The following UHMK1 variants were observed in gnomAD, a reference collection of about 807,000 sequenced individuals.
UHMK1 encodes the protein serine/threonine-protein kinase Kist.
In UHMK1, 18 loss-of-function variants were observed where a neutral mutation model predicts 44.0. That is an observed-to-expected ratio of 0.41 (90% CI 0.28 to 0.61). UHMK1 has a LOEUF of 0.61. Among genes scored for constraint, UHMK1 ranks in the 20% least tolerant of loss-of-function variants. The pLI is 0.31. For missense variants in UHMK1, 463 were observed against 522.5 expected (o/e 0.89, Z 1.11); for synonymous variants, 231 against 198.5 (o/e 1.16, Z -1.38).
At position 162,497,836 on chromosome 1, in the gene UHMK1, G is replaced by A. The variant is rs1557937611; in HGVS notation, c.-165G>A. ...GGCTTCTGGGACTCGGGTGCACCAC[G>A]GCTTCCGGTGTCATGGCTGCTTGAA... is the stretch of plus-strand genomic sequence containing the variant. On this transcript the variant is annotated 5_prime_UTR_variant, in exon 1 of 8. Transcript: ENST00000489294. 1 of 1,339,996 alleles carries A rather than the reference G, an allele frequency of 7.5e-7. No homozygotes were observed. Among genetic ancestry groups the A allele is most frequent in the Non-Finnish European group, 9.5e-7 (1 of 1,049,586 alleles). 83.0% of individuals were successfully genotyped at this position (1,339,996 alleles called of 1,614,324 possible). A position where few individuals can be genotyped will look rare whatever the true frequency, so the allele number is the denominator to read the frequency against.
At chr1:162,520,294 A>C (rs191951077) in intron 7 of UHMK1, among the ~76,000 whole-genome samples, 2 of 152,378 alleles carry the variant, frequency 1.3e-5, no homozygotes, top group Admixed American at 1.3e-4. Context: ...CCTAATGAAA[A>C]GTTATTGCCA....
In UHMK1 at chr1:162,526,250, A is replaced by T. The variant is rs552316751; in HGVS notation, c.*3700A>T. On this transcript the variant is annotated 3_prime_UTR_variant, in exon 8 of 8. Coordinates refer to ENST00000489294, the MANE Select transcript of UHMK1 (RefSeq NM_175866.5). Reference sequence around the variant, plus strand: ...TAGGCCTATCTTACACATAAGTTCTACTATCAGTATACTTGGCAGCATGAC... The same window carrying T: ...TAGGCCTATCTTACACATAAGTTCTTCTATCAGTATACTTGGCAGCATGAC... 1 of 148,630 alleles carries T rather than the reference A, an allele frequency of 6.7e-6. No individual in the cohort carries two copies. The highest frequency in any genetic ancestry group is 1.5e-5 in the Non-Finnish European group (1 of 67,440). 9.2% of individuals were successfully genotyped at this position (148,630 alleles called of 1,614,324 possible).
chr1:162,510,776 G>T (rs1486705775), intron 4 of UHMK1, among the ~76,000 whole-genome samples: 1 of 151,870 alleles, frequency 6.6e-6, no homozygotes, highest in Non-Finnish European at 1.5e-5. Context: ...ACAAACGTGG[G>T]CCTACAGGTA....
chr1:162,500,784 G>T, intron 2 of UHMK1, 129 bp from the exon 3 acceptor site: 1 of 830,470 alleles, frequency 1.2e-6, no homozygotes, highest in Non-Finnish European at 1.8e-6. Context: ...GGTAATCAAG[G>T]ACTAAAAATT....
Position 162,522,780 on chromosome 1 carries a change from C to T in UHMK1, c.*230C>T. On this transcript the variant is annotated 3_prime_UTR_variant, in exon 8 of 8. Coordinates refer to ENST00000489294, the MANE Select transcript of UHMK1 (RefSeq NM_175866.5). ...AGGGGTTTTAGAGCATCCATGTGGG[C>T]AACCCTTTTTTGTGCGGGAGAGCAG... is the stretch of plus-strand genomic sequence containing the variant. 2.5e-6 allele frequency: 1 copy of T among 393,584 alleles called. No homozygotes were observed. Among genetic ancestry groups the T allele is most frequent in the Non-Finnish European group, 4.5e-6 (1 of 222,832 alleles). The allele number at this position is 393,584 out of a possible 1,614,324, so 24.4% of individuals were successfully genotyped here. A position where few individuals can be genotyped will look rare whatever the true frequency, so the allele number is the denominator to read the frequency against.
intron 4 of UHMK1, among the ~76,000 whole-genome samples, chr1:162,510,877 C>T (rs566489506): frequency 1.3e-5 from 2 of 151,886 alleles, no homozygotes; most frequent in South Asian, 4.2e-4. Flanking sequence ...TTTTAAGGGG[C>T]CTCCATACTA....
In UHMK1 at chr1:162,528,761, T is replaced by A. The variant is rs1157398844; in HGVS notation, c.*6211T>A. Reference sequence around the variant, plus strand: ...TCCAGCAGAATTTACTCTTCCATTCTTAATTCTTTTTTGAAATATCTTAAA... The same window carrying A: ...TCCAGCAGAATTTACTCTTCCATTCATAATTCTTTTTTGAAATATCTTAAA... On this transcript the variant is annotated 3_prime_UTR_variant, in exon 8 of 8. Transcript: ENST00000489294. 1 of 152,166 alleles carries A rather than the reference T, an allele frequency of 6.6e-6. No individual in the cohort carries two copies. Among genetic ancestry groups the A allele is most frequent in the African/African-American group, 2.4e-5 (1 of 41,472 alleles). 9.4% of individuals were successfully genotyped at this position (152,166 alleles called of 1,614,324 possible). A position where few individuals can be genotyped will look rare whatever the true frequency, so the allele number is the denominator to read the frequency against.
chr1:162,509,067 G>A (rs1651577506), intron 4 of UHMK1, among the ~76,000 whole-genome samples: 2 of 152,138 alleles, frequency 1.3e-5, no homozygotes, highest in African/African-American at 4.8e-5. Context: ...TTACAGGCGT[G>A]AGCCACCACG....
rs1652168352 is a variant in UHMK1 at position 162,524,432 on chromosome 1, A to C, written c.*1882A>C. On this transcript the variant is annotated 3_prime_UTR_variant, in exon 8 of 8. Coordinates refer to ENST00000489294, the MANE Select transcript of UHMK1 (RefSeq NM_175866.5). Reference sequence around the variant, plus strand: ...TTTATTTTGGCCCTTTCAGGAGTTGATTATAAATTGGTTTGTTTTCAAGTC... The same window carrying C: ...TTTATTTTGGCCCTTTCAGGAGTTGCTTATAAATTGGTTTGTTTTCAAGTC... 1 of 152,180 alleles carries C rather than the reference A, an allele frequency of 6.6e-6. No homozygotes were observed. The highest frequency in any genetic ancestry group is 2.4e-5 in the African/African-American group (1 of 41,438). 9.4% of individuals were successfully genotyped at this position (152,180 alleles called of 1,614,324 possible).
rs1194599514 is a variant in UHMK1 at position 162,527,820 on chromosome 1, C to G, written c.*5270C>G. 1 of 151,672 alleles carries G rather than the reference C, an allele frequency of 6.6e-6. No individual in the cohort carries two copies. The highest frequency in any genetic ancestry group is 1.5e-5 in the Non-Finnish European group (1 of 67,884). The allele number at this position is 151,672 out of a possible 1,614,324, so 9.4% of individuals were successfully genotyped here. ...AAAGAGAAGCATTCTACTTATTTGT[C>G]TTATAAACCATTAATCGTTTTTTGT... On this transcript the variant is annotated 3_prime_UTR_variant, in exon 8 of 8. Coordinates refer to ENST00000489294, the MANE Select transcript of UHMK1 (RefSeq NM_175866.5).
chr1:162,509,079 ACAGT>A (rs1265119748), intron 4 of UHMK1, among the ~76,000 whole-genome samples: 8 of 152,226 alleles, frequency 5.3e-5, no homozygotes, highest in African/African-American at 1.9e-4. Flanking sequence ...GCCACCACGC[ACAGT>A]CAGTTATAAT....
At chr1:162,500,843 A>G in intron 2 of UHMK1, 70 bp from the exon 3 acceptor site, 13 of 1,458,142 alleles carry the variant, frequency 8.9e-6, no homozygotes, top group South Asian at 1.3e-5. Flanking sequence ...AGGGAAGTAA[A>G]TTCACTGTAG....
Position 162,522,466 on chromosome 1 carries a change from G to A in UHMK1, c.1176G>A (p.Arg392=). ...CTGCGCAGAAATTACTGACTGGAAG[G>A]ATGTTTGATGGGAAGTTTGTTGTGG... ...SKAAQKLLTG[R]MFDGKFVVAT... Residue 392 remains arginine, a synonymous_variant, in exon 8 of 8, where the codon AGG becomes AGA. Coordinates refer to ENST00000489294, the MANE Select transcript of UHMK1 (RefSeq NM_175866.5). 6.2e-7 allele frequency: 1 copy of A among 1,614,154 alleles called. No individual in the cohort carries two copies. Among genetic ancestry groups the A allele is most frequent in the Non-Finnish European group, 8.5e-7 (1 of 1,180,026 alleles).
upstream of UHMK1, chr1:162,497,397 G>A (rs948435006): frequency 6.2e-6 from 4 of 650,198 alleles, no homozygotes; most frequent in Non-Finnish European, 1.1e-5. Context: ...TGGCGACACG[G>A]GGGGCTTAGA....
intron 3 of UHMK1, among the ~76,000 whole-genome samples, chr1:162,502,409 T>G (rs1651303907): frequency 6.6e-6 from 1 of 152,246 alleles, no homozygotes; most frequent in African/African-American, 2.4e-5. Context: ...GATGCTTTTA[T>G]GGGTAAAAAT....
chr1:162,498,967 GT>G (rs887525820), intron 1 of UHMK1, among the ~76,000 whole-genome samples: 2 of 152,090 alleles, frequency 1.3e-5, no homozygotes, highest in African/African-American at 2.4e-5. Context: ...TGAAGAGTGA[GT>G]TTTTTTATAA....
At chr1:162,512,650 C>G (rs1651706388) in intron 5 of UHMK1, 74 bp downstream of exon 5, 2 of 1,600,770 alleles carry the variant, frequency 1.2e-6, no homozygotes, top group Non-Finnish European at 1.7e-6. Context: ...AATTTATATT[C>G]ACAAGTTCCT....
intron 1 of UHMK1, among the ~76,000 whole-genome samples, chr1:162,498,898 A>G (rs552087362): frequency 6.6e-6 from 1 of 152,360 alleles, no homozygotes; most frequent in East Asian, 1.9e-4. Context: ...ATCATTAGTT[A>G]TAGCTTTGGT....
rs1651703093 is a variant in UHMK1 at position 162,512,514 on chromosome 1, AT to A, written c.864del (p.Pro289GlnfsTer35). On this transcript the variant is annotated frameshift_variant, in exon 5 of 8. Coordinates refer to ENST00000489294, the MANE Select transcript of UHMK1 (RefSeq NM_175866.5). LOFTEE classifies it high-confidence loss of function. ...RDLIKSMLHD[D>X]PSRRIPAEMA... ...TTGTGTTTTAGCATGCTTCATGATG[AT>A]CCAAGCAGAAGAATTCCTGCTGAAA... is the stretch of plus-strand genomic sequence containing the variant. 5 of 1,612,198 alleles carry A rather than the reference AT, an allele frequency of 3.1e-6. No individual in the cohort carries two copies. The Admixed American group carries it at 8.4e-5, about 27-fold the overall frequency.
Sources: gnomAD v4.1 joint callset for allele counts (sites outside exome capture counted in the v4.1 genomes callset) on GRCh38, gnomAD v4.1.1 for gene constraint, MANE v1.5 for transcripts, NCBI Gene and HGNC (gene_info 2026-07-23, HGNC 2026-07-21) for gene names.